Variants in BMP2K observed in about 807,000 individuals in gnomAD.
BMP2K encodes the protein BMP-2-inducible protein kinase.
Under a neutral mutation model 116.0 loss-of-function variants are expected in BMP2K, and 74 were observed. That is an observed-to-expected ratio of 0.64 (90% CI 0.53 to 0.77). The LOEUF (loss-of-function observed/expected upper bound fraction) is 0.77, where lower values mean the gene tolerates loss of function less well. Among genes scored for constraint, BMP2K ranks in the 30% least tolerant of loss-of-function variants. The probability of loss-of-function intolerance (pLI) is 0.00; values close to 1 mark genes in which losing one functional copy is unlikely to be tolerated. For synonymous variants in BMP2K, 486 were observed against 502.5 expected (o/e 0.97, Z 0.44); for missense variants, 1,365 against 1,403.6 (o/e 0.97, Z 0.44).
In BMP2K at chr4:78,871,000, GCAGCAGCAGCAC is replaced by G. The variant is rs1732325843; in HGVS notation, c.1452_1463del (p.Gln484_His487del). ...AACAGCAACAGCAGCAGCAGCAGCA[GCAGCAGCAGCAC>G]CACCACCACCACCACCACCACCTAC... On this transcript the variant is annotated inframe_deletion, in exon 11 of 16. Transcript: ENST00000502613. The G allele has an allele frequency of 1.3e-5, 21 of 1,564,670 alleles. No individual in the cohort carries two copies. Among genetic ancestry groups the G allele is most frequent in the Non-Finnish European group, 1.7e-5 (20 of 1,143,120 alleles).
At position 78,850,936 on chromosome 4, in the gene BMP2K, C is replaced by T; in HGVS notation, c.763C>T (p.Leu255=). 6.2e-7 allele frequency: 1 copy of T among 1,611,534 alleles called. No homozygotes were observed. Among genetic ancestry groups the T allele is most frequent in the South Asian group, 1.1e-5 (1 of 90,934 alleles). The change falls in exon 7 of 16, where the codon CTA becomes TTA. Residue 255 remains leucine (L), a synonymous_variant. Coordinates refer to ENST00000502613, the MANE Select transcript of BMP2K (RefSeq NM_198892.2). ...TKADIWALGC[L]LYKLCFFTLP... ...CTTTGGTTTACAGGCACTGGGATGT[C>T]TACTCTATAAACTTTGTTTCTTCAC... is the stretch of plus-strand genomic sequence containing the variant.
chr4:78,783,204 T>G (rs1198786276), intron 1 of BMP2K, among the ~76,000 whole-genome samples: 1 of 152,236 alleles, frequency 6.6e-6, no homozygotes, highest in Non-Finnish European at 1.5e-5. Flanking sequence ...TATTGAATTT[T>G]CAAGTTTCAA....
chr4:78,893,036 G>A (rs1733525616), intron 15 of BMP2K, among the ~76,000 whole-genome samples: 1 of 152,172 alleles, frequency 6.6e-6, no homozygotes, highest in Admixed American at 6.5e-5. Context: ...CTCTGTACAT[G>A]CAATGCTGTT....
chr4:78,870,094 GTTAATTT>G (rs1033939021), intron 10 of BMP2K, among the ~76,000 whole-genome samples: 3 of 152,132 alleles, frequency 2.0e-5, no homozygotes, highest in Admixed American at 6.5e-5. Context: ...TTACTTTTTA[GTTAATTT>G]TTAAAGTTTA....
intron 15 of BMP2K, chr4:78,887,978 G>T (rs1733192769): frequency 6.6e-6 from 1 of 152,190 alleles, no homozygotes; most frequent in Non-Finnish European, 1.5e-5. Context: ...CTTCAGTTCT[G>T]TTCCTTTTGT....
rs766406376 is a variant in BMP2K, at chr4:78,870,976, ACAGCAACAGCAGCAGCAGCAG to A, written c.1431_1451del (p.Gln480_Gln486del). On this transcript the variant is annotated inframe_deletion, in exon 11 of 16. Transcript: ENST00000502613. ...AGCAACAGCAACAGCAGCAGCAGCA[ACAGCAACAGCAGCAGCAGCAG>A]CAGCAGCAGCAGCACCACCACCACC... The A allele has an allele frequency of 6.2e-7, 1 of 1,608,564 alleles. No homozygotes were observed. Among genetic ancestry groups the A allele is most frequent in the Non-Finnish European group, 8.5e-7 (1 of 1,177,926 alleles).
In BMP2K at chr4:78,912,063, C is replaced by T; in HGVS notation, c.*30C>T. 1 of 1,536,974 alleles carries T rather than the reference C, an allele frequency of 6.5e-7. No homozygotes were observed. Among genetic ancestry groups the T allele is most frequent in the South Asian group, 1.3e-5 (1 of 79,774 alleles). On this transcript the variant is annotated 3_prime_UTR_variant, in exon 16 of 16. Transcript: ENST00000502613. Reference sequence around the variant, plus strand: ...TTCTGATGGATTCTCGGCATTAACTCCTGTTTCAAAAAAGTGTGAACAGTT... The same window carrying T: ...TTCTGATGGATTCTCGGCATTAACTTCTGTTTCAAAAAAGTGTGAACAGTT...
At chr4:78,812,861 C>T (rs1729154760) in intron 1 of BMP2K, among the ~76,000 whole-genome samples, 1 of 151,796 alleles carries the variant, frequency 6.6e-6, no homozygotes, top group South Asian at 2.1e-4. Context: ...AGTGAGGCCC[C>T]CCACACCCCC....
chr4:78,861,294 C>T (rs1038125518), intron 8 of BMP2K, 95 bp from the exon 9 acceptor site: 4 of 930,528 alleles, frequency 4.3e-6, no homozygotes, highest in East Asian at 5.4e-5. Context: ...TCTCATAGTA[C>T]TTTTAAAGTT....
chr4:78,868,511 A>G (rs1250782711), intron 10 of BMP2K, among the ~76,000 whole-genome samples: 2 of 152,168 alleles, frequency 1.3e-5, no homozygotes, highest in African/African-American at 4.8e-5. Flanking sequence ...TGCCTTCCCA[A>G]CAGTCCTCCA....
Position 78,902,671 on chromosome 4 carries a change from T to G in BMP2K, c.2063-7939T>G, listed in dbSNP as rs538140382. ...TAAGAAAAGAACATCAAAACAAAAT[T>G]TCCCTGACACTGGAAGCTTCTTATA... On this transcript the variant is annotated intron_variant, in intron 15 of 15. Transcript: ENST00000502613. Among the ~76,000 whole-genome samples, 5 of 152,210 alleles carry G rather than the reference T, an allele frequency of 3.3e-5. No homozygotes were observed. The East Asian group carries it at 9.6e-4, about 29-fold the overall frequency.
At chr4:78,851,420 A>C (rs1731244662) in intron 7 of BMP2K, among the ~76,000 whole-genome samples, 3 of 152,040 alleles carry the variant, frequency 2.0e-5, no homozygotes, top group Admixed American at 1.3e-4. Flanking sequence ...TTAACTTTTT[A>C]TATATCTACA....
At chr4:78,871,162 G>C in intron 11 of BMP2K, 102 bp downstream of exon 11, 2 of 1,524,570 alleles carry the variant, frequency 1.3e-6, no homozygotes, top group African/African-American at 1.4e-5. Context: ...TTGAACTCTA[G>C]ATTTGAGTAA....
intron 1 of BMP2K, among the ~76,000 whole-genome samples, chr4:78,813,600 C>G (rs1729191655): frequency 6.6e-6 from 1 of 152,170 alleles, no homozygotes; most frequent in Admixed American, 6.5e-5. Flanking sequence ...TGCCTCCTGC[C>G]TTAGGGCCTT....
At chr4:78,869,390 G>C (rs1250201256) in intron 10 of BMP2K, among the ~76,000 whole-genome samples, 1 of 152,092 alleles carries the variant, frequency 6.6e-6, no homozygotes, top group Non-Finnish European at 1.5e-5. Flanking sequence ...GTGAGGGGTA[G>C]GGAGAGATTT....
chr4:78,854,636 G>T (rs1420885075), intron 7 of BMP2K, among the ~76,000 whole-genome samples: 2 of 152,020 alleles, frequency 1.3e-5, no homozygotes, highest in African/African-American at 2.4e-5. Context: ...GGGCTCAGCT[G>T]ATCCTCCTGA....
intron 15 of BMP2K, among the ~76,000 whole-genome samples, chr4:78,894,528 T>C (rs947462021): frequency 2.0e-5 from 3 of 152,222 alleles, no homozygotes; most frequent in African/African-American, 7.2e-5. Flanking sequence ...TCAGCCTTCA[T>C]AGGATTGAAG....
chr4:78,816,824 C>A (rs762287767), intron 1 of BMP2K, among the ~76,000 whole-genome samples: 1 of 152,128 alleles, frequency 6.6e-6, no homozygotes, highest in Admixed American at 6.5e-5. Flanking sequence ...GATTATTCAT[C>A]GTGTATTTAC....
In BMP2K at chr4:78,878,734, G is replaced by A. The variant is rs779379356; in HGVS notation, c.1794G>A (p.Arg598=). Residue 598 remains arginine (R), a splice_region_variant and synonymous_variant, in exon 14 of 16, where the codon AGG becomes AGA. Transcript: ENST00000502613. The stretch of plus-strand genomic sequence containing the variant: ...TTTTCTTACTCAATTATTACTATAG[G>A]TCAGTTGCTGATAAAGAGGCCATTG... ...TIMDSSYSAN[R]SVADKEAIAN... is the part of the protein sequence containing the mutation. The A allele has an allele frequency of 1.2e-6, 2 of 1,601,688 alleles. No homozygotes were observed.
Sources: allele counts gnomAD v4.1 joint callset (sites outside exome capture counted in the v4.1 genomes callset), GRCh38; gene constraint gnomAD v4.1.1; transcripts MANE v1.5; gene names NCBI Gene and HGNC (gene_info 2026-07-23, HGNC 2026-07-21).